The following MEGF11 variants were observed in gnomAD, a reference collection of about 807,000 sequenced individuals.
MEGF11 encodes the protein multiple epidermal growth factor-like domains protein 11.
MEGF11 carries 126 observed loss-of-function variants against 146.6 expected under a neutral mutation model. The observed-to-expected ratio is 0.86, with a 90% confidence interval of 0.74 to 1.00. The LOEUF (loss-of-function observed/expected upper bound fraction) is 1.00. Ranked by LOEUF, MEGF11 falls within the 50% of genes least tolerant of loss-of-function variation. MEGF11 has a pLI of 0.00. For missense variants in MEGF11, 1,509 were observed against 1,521.2 expected, an observed-to-expected ratio of 0.99 and a Z score of 0.13; for synonymous variants, 532 against 583.4, an observed-to-expected ratio of 0.91 and a Z score of 1.27.
chr15:66,052,672 C>A lies in MEGF11; in HGVS notation c.394+41730G>T, dbSNP rs1597032793. On this transcript the variant is annotated intron_variant, in intron 5 of 25. Coordinates refer to ENST00000395614, the MANE Select transcript of MEGF11 (RefSeq NM_001385028.1). ...AGCCGAGAGAAAGATGATAATGGGCCAACTCCCGAAACTACCATCATCCAG... is the reference window on the plus strand; with the variant it reads ...AGCCGAGAGAAAGATGATAATGGGCAAACTCCCGAAACTACCATCATCCAG... 3.3e-5 allele frequency among the ~76,000 whole-genome samples: 5 copies of A among 152,250 alleles called. No individual in the cohort carries two copies. The Middle Eastern group carries it at 0.014, about 414-fold the overall frequency.
chr15:66,151,268 C>G (rs1412066201), intron 1 of MEGF11, among the ~76,000 whole-genome samples: 1 of 152,188 alleles, frequency 6.6e-6, no homozygotes, highest in Non-Finnish European at 1.5e-5. Flanking sequence ...GAAGGGAGGA[C>G]AGAGCAAAGA....
At chr15:65,915,040 G>A (rs563315738) in intron 19 of MEGF11, among the ~76,000 whole-genome samples, 6 of 152,272 alleles carry the variant, frequency 3.9e-5, no homozygotes, top group Non-Finnish European at 5.9e-5. Context: ...TGGGCTCCTC[G>A]GCCTTCAGAG....
chr15:65,971,851 C>T (rs1016791822), intron 7 of MEGF11, among the ~76,000 whole-genome samples: 2 of 151,906 alleles, frequency 1.3e-5, no homozygotes, highest in Non-Finnish European at 2.9e-5. Flanking sequence ...AACAGGAACA[C>T]AGAGGAAATA....
rs925439673 is a variant in MEGF11, at chr15:65,992,460, G to C, written c.395-9972C>G. The stretch of plus-strand genomic sequence containing the variant: ...CTCTGTGTGTGTGTGTGGGGGGGGG[G>C]GTTAGTCACATCCTGAGGCACTATC... On this transcript the variant is annotated intron_variant, in intron 5 of 25. Coordinates refer to ENST00000395614, the MANE Select transcript of MEGF11 (RefSeq NM_001385028.1). Among the ~76,000 whole-genome samples the C allele has an allele frequency of 2.8e-5, 4 of 143,254 alleles. 1 individual carries two copies. Among genetic ancestry groups the C allele is most frequent in the African/African-American group, 1.0e-4 (4 of 39,216 alleles). 94.0% of individuals were successfully genotyped at this position (143,254 alleles called of 152,430 possible). A position where few individuals can be genotyped will look rare whatever the true frequency, so the allele number is the denominator to read the frequency against.
At chr15:66,080,408 T>C (rs1423781023) in intron 5 of MEGF11, among the ~76,000 whole-genome samples, 1 of 151,910 alleles carries the variant, frequency 6.6e-6, no homozygotes, top group Non-Finnish European at 1.5e-5. Context: ...TGCCCTCCCA[T>C]GATGGCCTCG....
chr15:66,011,720 C>CTATTATTATTATTATTATTAT (rs55863629), intron 5 of MEGF11, among the ~76,000 whole-genome samples: 26 of 149,450 alleles, frequency 1.7e-4, no homozygotes, highest in South Asian at 1.7e-3. Flanking sequence ...GGGAATTTAG[C>CTATTATTATTATTATTATTAT]TATTATTATT....
chr15:65,989,592 G>A (rs146203978), intron 5 of MEGF11, among the ~76,000 whole-genome samples: 10 of 152,378 alleles, frequency 6.6e-5, no homozygotes, highest in Admixed American at 1.3e-4. Flanking sequence ...TTCCCAGTGA[G>A]TGAGGCCATT....
chr15:65,939,773 G>A (rs1214012245), intron 10 of MEGF11, among the ~76,000 whole-genome samples: 11 of 152,104 alleles, frequency 7.2e-5, no homozygotes, highest in African/African-American at 1.9e-4. Context: ...GATTACAGGC[G>A]TGAGCCACCG....
intron 1 of MEGF11, among the ~76,000 whole-genome samples, chr15:66,244,750 C>T (rs540774061): frequency 9.9e-5 from 15 of 152,214 alleles, no homozygotes; most frequent in Non-Finnish European, 1.6e-4. Context: ...TAAATTTAGT[C>T]CCTTTCCCCA....
chr15:65,917,048 A>T, intron 16 of MEGF11, 92 bp from the exon 17 acceptor site: 1 of 1,313,168 alleles, frequency 7.6e-7, no homozygotes, highest in South Asian at 1.7e-5. Context: ...CAGAGCCAAG[A>T]TGCCAAGATG....
chr15:66,071,960 C>T (rs545226605), intron 5 of MEGF11, among the ~76,000 whole-genome samples: 121 of 152,348 alleles, frequency 7.9e-4, no homozygotes, highest in African/African-American at 2.8e-3. Context: ...GCACTGCTCA[C>T]AGAGCCCACA....
chr15:65,980,678 C>G (rs866642734), intron 7 of MEGF11, 100 bp downstream of exon 7: 2 of 1,422,982 alleles, frequency 1.4e-6, no homozygotes, highest in Middle Eastern at 2.0e-4. Flanking sequence ...GGATTACAGT[C>G]ACGAGTACCA....
chr15:65,996,482 CTTTT>C (rs11330825), intron 5 of MEGF11, among the ~76,000 whole-genome samples: 4 of 145,742 alleles, frequency 2.7e-5, no homozygotes, highest in African/African-American at 7.6e-5. Flanking sequence ...CTCTAGCACA[CTTTT>C]TTTTTTTTTT....
chr15:66,052,795 C>G (rs748551291), intron 5 of MEGF11, among the ~76,000 whole-genome samples: 5 of 152,188 alleles, frequency 3.3e-5, no homozygotes, highest in Admixed American at 2.0e-4. Flanking sequence ...AGAAGGTTCT[C>G]AACTCTGGCT....
chr15:66,178,352 C>G (rs975291587), intron 1 of MEGF11, among the ~76,000 whole-genome samples: 1 of 152,120 alleles, frequency 6.6e-6, no homozygotes, highest in East Asian at 1.9e-4. Flanking sequence ...GAGAAGGGAG[C>G]GCTGGGCAGT....
intron 9 of MEGF11, among the ~76,000 whole-genome samples, chr15:65,960,603 A>G (rs1596910940): frequency 1.3e-5 from 2 of 152,232 alleles, no homozygotes; most frequent in African/African-American, 4.8e-5. Context: ...GAACCTAGGA[A>G]TGACCTGGCA....
At chr15:65,970,290 T>A (rs957266029) in intron 8 of MEGF11, among the ~76,000 whole-genome samples, 1 of 152,014 alleles carries the variant, frequency 6.6e-6, no homozygotes, top group Admixed American at 6.6e-5. Context: ...GAGTAGAGAG[T>A]GGGGGCAGGT....
intron 5 of MEGF11, among the ~76,000 whole-genome samples, chr15:66,074,651 C>A (rs1368460375): frequency 1.3e-5 from 2 of 152,172 alleles, no homozygotes; most frequent in East Asian, 3.8e-4. Flanking sequence ...ATTTATGAAT[C>A]TAGGTTGTGG....
At chr15:65,912,428 T>C (rs748461069) in intron 20 of MEGF11, 1 of 336,386 alleles carries the variant, frequency 3.0e-6, no homozygotes, top group African/African-American at 2.1e-5. Context: ...GAATGCAGGA[T>C]AGGCTCACCT....
Sources: gnomAD v4.1 joint callset for allele counts (sites outside exome capture counted in the v4.1 genomes callset) on GRCh38, gnomAD v4.1.1 for gene constraint, MANE v1.5 for transcripts, NCBI Gene and HGNC (gene_info 2026-07-23, HGNC 2026-07-21) for gene names.